The following PEPD variants were observed in gnomAD, a reference collection of about 807,000 sequenced individuals.
The protein encoded by PEPD is peptidase D, also known as xaa-Pro dipeptidase.
A neutral mutation model predicts 60.7 loss-of-function variants in PEPD; 53 were observed. That is an observed-to-expected ratio of 0.87 (90% confidence interval 0.70 to 1.10). PEPD has a LOEUF of 1.10. Among genes scored for constraint, PEPD ranks in the 50% least tolerant of loss-of-function variants. PEPD has a pLI of 0.00. For missense variants in PEPD, 711 were observed against 711.9 expected (o/e 1.00, Z 0.01); for synonymous variants, 267 against 284.1 (o/e 0.94, Z 0.60).
chr19:33,471,212 A>G (rs1445533352), intron 7 of PEPD, among the ~76,000 whole-genome samples: 4 of 152,118 alleles, frequency 2.6e-5, no homozygotes, highest in South Asian at 2.1e-4. Context: ...GCCTGGCCCA[A>G]TTGAATCTAT....
intron 12 of PEPD, among the ~76,000 whole-genome samples, chr19:33,395,809 T>G (rs1968346439): frequency 1.3e-5 from 2 of 152,256 alleles, no homozygotes; most frequent in African/African-American, 4.8e-5. Context: ...TGGATGGGTG[T>G]GAGCCAGGCT....
chr19:33,400,908 G>C (rs1252261639), intron 12 of PEPD, among the ~76,000 whole-genome samples: 1 of 152,194 alleles, frequency 6.6e-6, no homozygotes, highest in South Asian at 2.1e-4. Context: ...GCAGGAGGCT[G>C]GCTGAGCGGG....
At chr19:33,436,866 C>T (rs996473736) in intron 9 of PEPD, among the ~76,000 whole-genome samples, 1 of 152,170 alleles carries the variant, frequency 6.6e-6, no homozygotes, top group Non-Finnish European at 1.5e-5. Flanking sequence ...TGTGATGCCT[C>T]GCTCACAGCA....
At chr19:33,481,435 T>C (rs974023705) in intron 6 of PEPD, among the ~76,000 whole-genome samples, 16 of 151,792 alleles carry the variant, frequency 1.1e-4, no homozygotes, top group African/African-American at 3.9e-4. Context: ...GCGTGGTGGC[T>C]TGTGCCTGTA....
At chr19:33,519,452 G>T (rs549877787) in intron 1 of PEPD, among the ~76,000 whole-genome samples, 1 of 152,202 alleles carries the variant, frequency 6.6e-6, no homozygotes. Flanking sequence ...GTGAGCCCAC[G>T]GCAATGGCCG....
intron 13 of PEPD, 141 bp downstream of exon 13, chr19:33,391,154 C>G: frequency 1.3e-6 from 1 of 743,344 alleles, no homozygotes; most frequent in Non-Finnish European, 2.4e-6. Flanking sequence ...TCATGGCCTC[C>G]GTATACCACA....
intron 1 of PEPD, among the ~76,000 whole-genome samples, chr19:33,521,303 G>A (rs558184755): frequency 2.5e-4 from 38 of 152,372 alleles, no homozygotes; most frequent in African/African-American, 8.7e-4. Context: ...TCCCTGAGGG[G>A]GTGACATTTG....
At chr19:33,482,215 ACATATAAAAAGGATATATATACAT>A (rs1388442672) in intron 6 of PEPD, among the ~76,000 whole-genome samples, 2 of 152,222 alleles carry the variant, frequency 1.3e-5, no homozygotes, top group African/African-American at 4.8e-5. Flanking sequence ...GAATCCAGCA[ACATATAAAAAGGATATATATACAT>A]CATGACCAAG....
chr19:33,448,771 G>GT (rs1227385138), intron 9 of PEPD, among the ~76,000 whole-genome samples: 1 of 152,058 alleles, frequency 6.6e-6, no homozygotes, highest in Non-Finnish European at 1.5e-5. Flanking sequence ...GCTGCTCTGT[G>GT]GAAATTCCAG....
At chr19:33,484,216 A>T (rs576400970) in intron 6 of PEPD, among the ~76,000 whole-genome samples, 17 of 152,352 alleles carry the variant, frequency 1.1e-4, no homozygotes, top group African/African-American at 3.8e-4. Flanking sequence ...CAAAGTGAAG[A>T]ACAGGGCAGC....
intron 6 of PEPD, among the ~76,000 whole-genome samples, chr19:33,481,098 A>T (rs1970306334): frequency 6.6e-6 from 1 of 152,182 alleles, no homozygotes; most frequent in Non-Finnish European, 1.5e-5. Flanking sequence ...CTCCTAAATA[A>T]CCAATGGATC....
At chr19:33,402,110 C>T (rs1968512266) in intron 11 of PEPD, among the ~76,000 whole-genome samples, 3 of 152,240 alleles carry the variant, frequency 2.0e-5, no homozygotes, top group Admixed American at 6.5e-5. Context: ...GGACTCAGGG[C>T]TCAGCCCAGG....
intron 9 of PEPD, among the ~76,000 whole-genome samples, chr19:33,443,248 C>T (rs1969519458): frequency 6.6e-6 from 1 of 152,206 alleles, no homozygotes; most frequent in Non-Finnish European, 1.5e-5. Flanking sequence ...TGTCCCTGTG[C>T]TTCATTTTAA....
At chr19:33,514,167 G>A (rs189331554) in intron 1 of PEPD, among the ~76,000 whole-genome samples, 255 of 152,298 alleles carry the variant, frequency 1.7e-3, no homozygotes, top group African/African-American at 5.9e-3. Flanking sequence ...CAGGGGCAGG[G>A]TGTGCAGGAG....
intron 6 of PEPD, among the ~76,000 whole-genome samples, chr19:33,482,533 G>A (rs775712175): frequency 6.6e-6 from 1 of 152,144 alleles, no homozygotes; most frequent in South Asian, 2.1e-4. Context: ...CCTAAGATGA[G>A]GAACAATGCA....
At chr19:33,415,440 G>A (rs1968870838) in intron 9 of PEPD, among the ~76,000 whole-genome samples, 1 of 152,198 alleles carries the variant, frequency 6.6e-6, no homozygotes, top group Non-Finnish European at 1.5e-5. Context: ...GGGAGGCCAA[G>A]GTTGGAGGAC....
chr19:33,497,466 C>G (rs1970629694), intron 4 of PEPD, among the ~76,000 whole-genome samples: 1 of 152,266 alleles, frequency 6.6e-6, no homozygotes, highest in Non-Finnish European at 1.5e-5. Flanking sequence ...AGGGGAACTG[C>G]CTTCTCAATA....
intron 14 of PEPD, 75 bp downstream of exon 14, chr19:33,387,815 G>A: frequency 8.0e-7 from 1 of 1,243,236 alleles, no homozygotes; most frequent in Non-Finnish European, 1.2e-6. Context: ...CCCCTGTCTT[G>A]GGACTAAGGA....
At chr19:33,392,681 G>A (rs1968253159) in intron 12 of PEPD, among the ~76,000 whole-genome samples, 1 of 152,232 alleles carries the variant, frequency 6.6e-6, no homozygotes, top group Non-Finnish European at 1.5e-5. Context: ...TGCCAGGCTT[G>A]CCTTGGCGCA....
Sources: allele counts gnomAD v4.1 joint callset (sites outside exome capture counted in the v4.1 genomes callset), GRCh38; gene constraint gnomAD v4.1.1; transcripts MANE v1.5; gene names NCBI Gene and HGNC (gene_info 2026-07-23, HGNC 2026-07-21).